DNAH12: variants seen among roughly 807,000 people sequenced by gnomAD.
DNAH12 encodes dynein axonemal heavy chain 12.
A neutral mutation model predicts 371.5 loss-of-function variants in DNAH12; 285 were observed. That is an observed-to-expected ratio of 0.77 (90% CI 0.70 to 0.85). The LOEUF (loss-of-function observed/expected upper bound fraction) is 0.85, where lower values mean the gene tolerates loss of function less well. Ranked by LOEUF, DNAH12 falls within the 40% of genes least tolerant of loss-of-function variation. DNAH12 has a pLI of 0.00. For missense variants in DNAH12, 3,611 were observed against 3,689.4 expected (o/e 0.98, Z 0.55); for synonymous variants, 1,200 against 1,213.0 (o/e 0.99, Z 0.22).
chr3:57,527,859 T>C (rs1169402474), intron 2 of DNAH12, among the ~76,000 whole-genome samples: 3 of 152,196 alleles, frequency 2.0e-5, no homozygotes, highest in Non-Finnish European at 4.4e-5. Flanking sequence ...TTTCCTTTGC[T>C]GTGAGGAAGC....
At chr3:57,515,312 A>G (rs1280518156) in intron 4 of DNAH12, among the ~76,000 whole-genome samples, 1 of 152,196 alleles carries the variant, frequency 6.6e-6, no homozygotes, top group Non-Finnish European at 1.5e-5. Flanking sequence ...TAGAAAAAGT[A>G]TATATAGCAT....
intron 42 of DNAH12, among the ~76,000 whole-genome samples, chr3:57,404,228 T>C (rs934820829): frequency 6.6e-6 from 1 of 152,088 alleles, no homozygotes; most frequent in African/African-American, 2.4e-5. Context: ...AATGACTGCA[T>C]TGTGGTACAA....
rs779250987 is a variant in DNAH12, at chr3:57,418,539, C to CAAAA, written c.5714+824_5714+827dup. 1.6e-3 allele frequency among the ~76,000 whole-genome samples: 163 copies of CAAAA among 100,890 alleles called. 1 individual carries two copies. Among genetic ancestry groups the CAAAA allele is most frequent in the African/African-American group, 5.5e-3 (153 of 27,732 alleles). The allele number at this position is 100,890 out of a possible 152,430, so 66.2% of individuals were successfully genotyped here. A position where few individuals can be genotyped will look rare whatever the true frequency, so the allele number is the denominator to read the frequency against. ...TGGGTGACAGAGTGAGACCCTGTCT[C>CAAAA]AAAAAAAAAAACAAAAAACTGCTAT... On this transcript the variant is annotated intron_variant, in intron 37 of 73. Transcript: ENST00000495027.
intron 2 of DNAH12, among the ~76,000 whole-genome samples, chr3:57,528,075 C>T (rs965344969): frequency 2.0e-5 from 3 of 151,954 alleles, no homozygotes; most frequent in Non-Finnish European, 2.9e-5. Context: ...GTTGCCCAGG[C>T]GGGAGGGCAA....
At chr3:57,547,211 TATAG>T (rs2069587589), upstream of DNAH12, among the ~76,000 whole-genome samples, 2 of 15,054 alleles carry the variant, frequency 1.3e-4, no homozygotes, top group Admixed American at 1.2e-3. Flanking sequence ...CACACACATA[TATAG>T]ATATAGATAT....
At chr3:57,498,698 G>A (rs2067400562) in intron 11 of DNAH12, among the ~76,000 whole-genome samples, 1 of 152,088 alleles carries the variant, frequency 6.6e-6, no homozygotes, top group Admixed American at 6.6e-5. Flanking sequence ...ATACTACTAA[G>A]CAATAAAAGG....
intron 32 of DNAH12, among the ~76,000 whole-genome samples, chr3:57,431,934 T>G (rs757576478): frequency 3.3e-4 from 50 of 152,236 alleles, no homozygotes; most frequent in Non-Finnish European, 5.9e-4. Context: ...GCCTTCAAAT[T>G]TCCACAGTCA....
chr3:57,299,504 T>TA (rs2061302112), intron 70 of DNAH12, among the ~76,000 whole-genome samples: 2 of 151,650 alleles, frequency 1.3e-5, no homozygotes, highest in Non-Finnish European at 2.9e-5. Flanking sequence ...AGTTTTTTTT[T>TA]TAAAAAAAAG....
Position 57,403,343 on chromosome 3 carries a change from C to T in DNAH12, c.6914G>A (p.Ser2305Asn), listed in dbSNP as rs1553679712. 6.4e-7 allele frequency: 1 copy of T among 1,550,882 alleles called. No homozygotes were observed. Residue 2305 changes from serine to asparagine, a missense_variant, in exon 43 of 74, where the codon AGC (serine) becomes AAC (asparagine). Around this residue, in one of 3 missense-constraint regions of DNAH12, gnomAD observed 2,266 missense variants for 2,236.9 expected, o/e 1.01. Coordinates refer to ENST00000495027, the MANE Select transcript of DNAH12 (RefSeq NM_001366028.2). ...MHIFQPEISK[S>N]YGMNEWREDM... ...CTCTCTCCATTCATTCATACCATAG[C>T]TCTTAGAAATTTCTGGTTGGAAAAT... is the stretch of plus-strand genomic sequence containing the variant.
intron 62 of DNAH12, among the ~76,000 whole-genome samples, chr3:57,329,981 A>G (rs1429520336): frequency 1.3e-5 from 2 of 151,582 alleles, no homozygotes; most frequent in African/African-American, 4.8e-5. Context: ...ATCACTGGCC[A>G]TCAGAGAAAT....
At chr3:57,306,657 C>T in intron 69 of DNAH12, among the ~76,000 whole-genome samples, 1 of 152,112 alleles carries the variant, frequency 6.6e-6, no homozygotes, top group East Asian at 1.9e-4. Flanking sequence ...CACCCTTACC[C>T]CGCATAATGC....
intron 30 of DNAH12, among the ~76,000 whole-genome samples, 160 bp from the exon 31 acceptor site, chr3:57,433,988 T>G (rs1480307095): frequency 1.3e-5 from 2 of 152,224 alleles, no homozygotes; most frequent in Non-Finnish European, 2.9e-5. Flanking sequence ...ATTTCTGAAC[T>G]GATTGACTAC....
intron 42 of DNAH12, 150 bp from the exon 43 acceptor site, chr3:57,403,651 T>C: frequency 1.3e-6 from 1 of 761,926 alleles, no homozygotes; most frequent in Non-Finnish European, 1.9e-6. Context: ...TATCAAAAAG[T>C]GTGATTTTTC....
At chr3:57,337,429 G>A (rs2062252466) in intron 60 of DNAH12, among the ~76,000 whole-genome samples, 1 of 152,196 alleles carries the variant, frequency 6.6e-6, no homozygotes, top group Non-Finnish European at 1.5e-5. Context: ...GGAGGCCAAG[G>A]AGGGCAGATC....
chr3:57,377,287 TC>T (rs2063300185), intron 52 of DNAH12, 65 bp from the exon 53 acceptor site: 1 of 152,142 alleles, frequency 6.6e-6, no homozygotes, highest in Non-Finnish European at 1.5e-5. Flanking sequence ...ATATAATTCC[TC>T]CCTTATAAAT....
At position 57,461,708 on chromosome 3, in the gene DNAH12, G is replaced by A. The variant is rs1384688194; in HGVS notation, c.2536-19C>T. ...AAAATTCCTAAAACGGAGGAATGAA[G>A]AAAGAACGGGATGGTGAAGAAAGGA... On this transcript the variant is annotated intron_variant, in intron 18 of 73. Coordinates refer to ENST00000495027, the MANE Select transcript of DNAH12 (RefSeq NM_001366028.2). 9 of 1,537,290 alleles carry A rather than the reference G, an allele frequency of 5.9e-6. No individual in the cohort carries two copies. The highest frequency in any genetic ancestry group is 7.9e-6 in the Non-Finnish European group (9 of 1,136,820).
At chr3:57,372,901 T>C (rs1420838968) in intron 55 of DNAH12, among the ~76,000 whole-genome samples, 4 of 152,052 alleles carry the variant, frequency 2.6e-5, no homozygotes. Context: ...TGATTAAAAA[T>C]AGAAAGAAAA....
intron 29 of DNAH12, among the ~76,000 whole-genome samples, chr3:57,442,063 T>G (rs2065324030): frequency 1.3e-5 from 2 of 152,164 alleles, no homozygotes; most frequent in Admixed American, 1.3e-4. Context: ...AGGAGACACC[T>G]TGCCAATCTA....
intron 15 of DNAH12, 105 bp downstream of exon 15, chr3:57,471,367 T>TA (rs1014201833): frequency 2.7e-6 from 3 of 1,107,892 alleles, no homozygotes; most frequent in African/African-American, 1.7e-5. Flanking sequence ...AGAGTAAACA[T>TA]AAAAAAATAG....
Sources: allele counts gnomAD v4.1 joint callset (sites outside exome capture counted in the v4.1 genomes callset), GRCh38; gene constraint gnomAD v4.1.1; regional missense constraint gnomAD v4.1.1; transcripts MANE v1.5; gene names NCBI Gene and HGNC (gene_info 2026-07-23, HGNC 2026-07-21).